Variants in SLC39A8 observed in about 807,000 individuals in gnomAD.
SLC39A8 encodes solute carrier family 39 member 8, also known as metal cation symporter ZIP8.
Under a neutral mutation model 40.4 loss-of-function variants are expected in SLC39A8, and 15 were observed. The ratio of observed to expected loss-of-function variants is 0.37; its 90% CI spans 0.25 to 0.57. The LOEUF (loss-of-function observed/expected upper bound fraction) is 0.57, where lower values mean the gene tolerates loss of function less well. Among genes scored for constraint, SLC39A8 ranks in the 20% least tolerant of loss-of-function variants. SLC39A8 has a pLI of 0.75. For synonymous variants in SLC39A8, 223 were observed against 221.6 expected (o/e 1.01, Z -0.06); for missense variants, 472 against 558.8 (o/e 0.84, Z 1.57).
chr4:102,304,472 T>C lies in SLC39A8; in HGVS notation c.685A>G (p.Thr229Ala), dbSNP rs1205984393. The C allele has an allele frequency of 1.2e-6, 2 of 1,610,252 alleles. No individual in the cohort carries two copies. The highest frequency in any genetic ancestry group is 1.7e-5 in the Admixed American group (1 of 59,698). Residue 229 changes from threonine (T) to alanine (A), a missense_variant, in exon 6 of 9, where the codon ACC (threonine) becomes GCC (alanine). By Grantham distance (58) the Thr-to-Ala change is moderately conservative. Transcript: ENST00000356736. The part of the protein sequence containing the change: ...LLKTYGQNGH[T>A]HFGNDNFGPQ... ...CCAAAGTTATCATTTCCAAAGTGGGTATGACCATTCTATATGGGAACAAAA... is the reference window on the plus strand; with the variant it reads ...CCAAAGTTATCATTTCCAAAGTGGGCATGACCATTCTATATGGGAACAAAA...
chr4:102,305,239 T>G, intron 4 of SLC39A8, 128 bp from the exon 5 acceptor site: 1 of 986,172 alleles, frequency 1.0e-6, no homozygotes, highest in Non-Finnish European at 1.5e-6. Flanking sequence ...TATTGGAAAC[T>G]TAGCTGCCAA....
intron 8 of SLC39A8, 96 bp from the exon 9 acceptor site, chr4:102,263,289 G>T: frequency 9.4e-7 from 1 of 1,061,060 alleles, no homozygotes; most frequent in South Asian, 1.5e-5. Flanking sequence ...GTGTGGGTTT[G>T]GTTCCAGACC....
downstream of SLC39A8, among the ~76,000 whole-genome samples, chr4:102,257,850 C>T (rs2148999066): frequency 6.6e-6 from 1 of 152,328 alleles, no homozygotes; most frequent in South Asian, 2.1e-4. Flanking sequence ...TCCTTTAGCA[C>T]CCATCCTTTA....
At chr4:102,252,527 A>C (rs1169937637) in exon 12 of SLC39A8, 6 of 152,320 alleles carry the variant, frequency 3.9e-5, no homozygotes, top group Non-Finnish European at 8.8e-5. Context: ...AGTTTGCTTT[A>C]ATTACTAGCA....
intron 6 of SLC39A8, among the ~76,000 whole-genome samples, chr4:102,271,324 C>A (rs1219874253): frequency 6.6e-6 from 1 of 152,116 alleles, no homozygotes; most frequent in Non-Finnish European, 1.5e-5. Context: ...TCCACTAAAT[C>A]TCATAAAAGG....
At chr4:102,279,951 G>A (rs1304095858) in intron 6 of SLC39A8, among the ~76,000 whole-genome samples, 6 of 152,254 alleles carry the variant, frequency 3.9e-5, no homozygotes, top group South Asian at 2.1e-4. Flanking sequence ...TCCGCTTTCC[G>A]CTCTTCTTTC....
chr4:102,303,099 TC>T (rs1418022429), intron 6 of SLC39A8, among the ~76,000 whole-genome samples: 1 of 151,926 alleles, frequency 6.6e-6, no homozygotes, highest in African/African-American at 2.4e-5. Context: ...TTGCTTTTTT[TC>T]CCCTTAACTG....
Position 102,262,867 on chromosome 4 carries a change from A to G in SLC39A8, c.*177T>C, listed in dbSNP as rs1731927619. ...ACTGACACTGAAAACCTTTTGAAGC[A>G]TTTTTAACAACAAATAATGGACTAT... On this transcript the variant is annotated 3_prime_UTR_variant, in exon 9 of 9. Transcript: ENST00000356736. 2 of 1,372,946 alleles carry G rather than the reference A, an allele frequency of 1.5e-6. No homozygotes were observed. Among genetic ancestry groups the G allele is most frequent in the Admixed American group, 6.7e-5 (2 of 29,770 alleles). 85.0% of individuals were successfully genotyped at this position (1,372,946 alleles called of 1,614,324 possible). A position where few individuals can be genotyped will look rare whatever the true frequency, so the allele number is the denominator to read the frequency against.
chr4:102,324,969 C>G (rs1735132516), intron 2 of SLC39A8, among the ~76,000 whole-genome samples: 1 of 152,084 alleles, frequency 6.6e-6, no homozygotes, highest in South Asian at 2.1e-4. Context: ...GCACGAGTGA[C>G]TGAGGAAATT....
chr4:102,291,885 C>T (rs1370216726), intron 6 of SLC39A8, among the ~76,000 whole-genome samples: 3 of 151,744 alleles, frequency 2.0e-5, no homozygotes, highest in African/African-American at 7.3e-5. Flanking sequence ...GAAGGAAATC[C>T]TGTCATTTCC....
intron 6 of SLC39A8, among the ~76,000 whole-genome samples, chr4:102,290,907 AC>A (rs1733407536): frequency 6.6e-6 from 1 of 152,062 alleles, no homozygotes; most frequent in Non-Finnish European, 1.5e-5. Context: ...TAGAATAAGA[AC>A]CCTTTTCCTT....
intron 2 of SLC39A8, among the ~76,000 whole-genome samples, chr4:102,342,678 A>G (rs894432442): frequency 3.3e-5 from 5 of 152,240 alleles, no homozygotes; most frequent in African/African-American, 1.2e-4. Flanking sequence ...ACAGGTGTCA[A>G]GATACATATA....
intron 2 of SLC39A8, among the ~76,000 whole-genome samples, chr4:102,325,379 G>A (rs960851968): frequency 1.3e-5 from 2 of 151,774 alleles, no homozygotes; most frequent in African/African-American, 4.8e-5. Context: ...CAACACACAT[G>A]CACTCTCACA....
At chr4:102,305,206 A>T in intron 4 of SLC39A8, 95 bp from the exon 5 acceptor site, 2 of 1,290,832 alleles carry the variant, frequency 1.5e-6, no homozygotes, top group South Asian at 2.8e-5. Flanking sequence ...CAATGTTCTA[A>T]GTCTCTCTTC....
At position 102,344,456 on chromosome 4, in the gene SLC39A8, C is replaced by A. The variant is rs1158056027; in HGVS notation, c.207G>T (p.Leu69=). The A allele has an allele frequency of 6.5e-7, 1 of 1,539,078 alleles. No individual in the cohort carries two copies. Among genetic ancestry groups the A allele is most frequent in the Non-Finnish European group, 8.8e-7 (1 of 1,141,788 alleles). Residue 69 remains leucine, a synonymous_variant, in exon 2 of 9, where the codon CTG becomes CTT. Coordinates refer to ENST00000356736, the MANE Select transcript of SLC39A8 (RefSeq NM_001135146.2). ...SRVGVPEPGQ[L]HFNQCLTAEE... is the part of the protein sequence containing the mutation. ...CTGGCGGCCTTACCTGGTTGAAGTG[C>A]AGCTGGCCAGGCTCCGGGACGCCCA...
At chr4:102,275,201 A>G (rs1162374881) in intron 6 of SLC39A8, among the ~76,000 whole-genome samples, 1 of 152,202 alleles carries the variant, frequency 6.6e-6, no homozygotes, top group Non-Finnish European at 1.5e-5. Flanking sequence ...TGTATTCAGG[A>G]GACCCATCTC....
chr4:102,255,389 A>G (rs1731684181), intron 11 of SLC39A8, among the ~76,000 whole-genome samples: 1 of 152,212 alleles, frequency 6.6e-6, no homozygotes, highest in Non-Finnish European at 1.5e-5. Context: ...CAGGAACTAG[A>G]ACCAAAGACA....
At chr4:102,300,756 G>A (rs1468943237) in intron 6 of SLC39A8, among the ~76,000 whole-genome samples, 1 of 151,642 alleles carries the variant, frequency 6.6e-6, no homozygotes, top group Non-Finnish European at 1.5e-5. Context: ...TCCTTTTAAT[G>A]GGGTCACCTA....
chr4:102,340,955 T>C (rs1346564548), intron 2 of SLC39A8, among the ~76,000 whole-genome samples: 1 of 152,210 alleles, frequency 6.6e-6, no homozygotes, highest in African/African-American at 2.4e-5. Context: ...AGCAAAAGCT[T>C]ATGGGAATCC....
Sources: allele counts gnomAD v4.1 joint callset (sites outside exome capture counted in the v4.1 genomes callset), GRCh38; gene constraint gnomAD v4.1.1; transcripts MANE v1.5; gene names NCBI Gene and HGNC (gene_info 2026-07-23, HGNC 2026-07-21).